The following YME1L1 variants were observed in gnomAD, a reference collection of about 807,000 sequenced individuals.
YME1L1 encodes the protein YME1 like 1 ATPase, also known as ATP-dependent zinc metalloprotease YME1L1.
A neutral mutation model predicts 90.4 loss-of-function variants in YME1L1; 39 were observed. That is an observed-to-expected ratio of 0.43 (90% confidence interval 0.33 to 0.56). The LOEUF (loss-of-function observed/expected upper bound fraction) is 0.56, where lower values mean the gene tolerates loss of function less well. YME1L1 is among the 20% of genes least tolerant of loss of function. YME1L1 has a pLI of 0.03. For missense variants in YME1L1, 617 were observed against 868.4 expected, an observed-to-expected ratio of 0.71 and a Z score of 3.64; for synonymous variants, 284 against 287.3, an observed-to-expected ratio of 0.99 and a Z score of 0.12.
chr10:27,129,762 A>C (rs2056958995), intron 8 of YME1L1, among the ~76,000 whole-genome samples: 1 of 112,712 alleles, frequency 8.9e-6, no homozygotes, highest in Non-Finnish European at 1.9e-5. Context: ...TTGACTTAAT[A>C]TAAATTCATG....
intron 3 of YME1L1, among the ~76,000 whole-genome samples, chr10:27,143,072 A>T (rs11015569): frequency 1 from 151,502 of 152,178 alleles, 75,417 homozygotes; most frequent in Middle Eastern, 1. Flanking sequence ...AAATTCAAAT[A>T]AACAGTGATA....
chr10:27,111,773 T>C lies in YME1L1; in HGVS notation c.*204A>G, dbSNP rs2056760911. On this transcript the variant is annotated 3_prime_UTR_variant, in exon 19 of 19. Coordinates refer to ENST00000376016, the MANE Select transcript of YME1L1 (RefSeq NM_014263.4). ...TAGTTCTTTATTTTTTCAAAATATA[T>C]TTGCCATGGGATGCTAATTTGCAAT... is the stretch of plus-strand genomic sequence containing the variant. 1 of 680,048 alleles carries C rather than the reference T, an allele frequency of 1.5e-6. No individual in the cohort carries two copies. The highest frequency in any genetic ancestry group is 1.8e-5 in the African/African-American group (1 of 56,074). 42.1% of individuals were successfully genotyped at this position (680,048 alleles called of 1,614,324 possible).
At position 27,148,954 on chromosome 10, in the gene YME1L1, T is replaced by C. The variant is rs931017104; in HGVS notation, c.120A>G (p.Gln40=). ...CAGGAACTACATCTCGATGCTGGTTTTGAGAAACTGACACTCCACTGAGAG... is the reference window on the plus strand; with the variant it reads ...CAGGAACTACATCTCGATGCTGGTTCTGAGAAACTGACACTCCACTGAGAG... ...SVSLSGVSVS[Q]NQHRDVVPEH... is the part of the protein sequence containing the mutation. Residue 40 remains glutamine, a synonymous_variant, in exon 2 of 19, where the codon CAA becomes CAG. Transcript: ENST00000376016. 2.5e-6 allele frequency: 4 copies of C among 1,614,012 alleles called. No individual in the cohort carries two copies. The African/African-American group carries it at 5.3e-5, about 22-fold the overall frequency.
intron 4 of YME1L1, 27 bp from the exon 5 acceptor site, chr10:27,136,412 C>A: frequency 1.3e-6 from 2 of 1,561,850 alleles, no homozygotes; most frequent in Non-Finnish European, 8.8e-7. Flanking sequence ...CATTCACTGT[C>A]ACTATAAATT....
chr10:27,153,486 G>A (rs2057258191), intron 1 of YME1L1, among the ~76,000 whole-genome samples: 1 of 152,176 alleles, frequency 6.6e-6, no homozygotes, highest in Non-Finnish European at 1.5e-5. Context: ...ATCAAAAAAA[G>A]AGACTGGAAT....
chr10:27,136,832 T>C (rs2057033237), intron 4 of YME1L1, among the ~76,000 whole-genome samples: 1 of 152,002 alleles, frequency 6.6e-6, no homozygotes, highest in Admixed American at 6.6e-5. Context: ...TTCAAGCAAC[T>C]ATCCTGCCTC....
chr10:27,142,345 T>C, intron 4 of YME1L1, 42 bp downstream of exon 4: 1 of 1,172,448 alleles, frequency 8.5e-7, no homozygotes, highest in South Asian at 1.9e-5. Context: ...CTATAGTAAA[T>C]AAATATTTTT....
chr10:27,114,603 C>T lies in YME1L1; in HGVS notation c.1925G>A (p.Gly642Glu), dbSNP rs141300632. 1 of 1,608,912 alleles carries T rather than the reference C, an allele frequency of 6.2e-7. No homozygotes were observed. The change falls in exon 18 of 19, where the codon GGA (glycine) becomes GAA (glutamate). Residue 642 changes from glycine (G) to glutamate (E), a missense_variant. Gly to Glu is a moderately conservative substitution (Grantham distance 98). Coordinates refer to ENST00000376016, the MANE Select transcript of YME1L1 (RefSeq NM_014263.4). ...VTKFGMSEKL[G>E]VMTYSDTGKL... ...CCCTGTATCACTGTAGGTCATAACT[C>T]CAAGCTAAAACCAAAAGGAAGAAAG...
chr10:27,151,808 G>A (rs1192111753), intron 1 of YME1L1, among the ~76,000 whole-genome samples: 1 of 151,926 alleles, frequency 6.6e-6, no homozygotes, highest in Non-Finnish European at 1.5e-5. Context: ...GTGAACCTGG[G>A]AGGCGGAGCT....
At chr10:27,152,611 G>A (rs114576343) in intron 1 of YME1L1, among the ~76,000 whole-genome samples, 62 of 152,192 alleles carry the variant, frequency 4.1e-4, no homozygotes, top group African/African-American at 1.4e-3. Context: ...TATTCAATAG[G>A]CCATGTCAGA....
At chr10:27,144,482 T>C (rs1427829558) in intron 3 of YME1L1, among the ~76,000 whole-genome samples, 1 of 152,238 alleles carries the variant, frequency 6.6e-6, no homozygotes, top group Non-Finnish European at 1.5e-5. Context: ...TGGATTTTTA[T>C]GGCCTGTTTA....
Position 27,154,175 on chromosome 10 carries a change from T to C in YME1L1, c.33+3A>G. ...AAAAAAATGGGCTGAATGCCTGGCTTACCTGGGGTTGCACCGTGCTCGACA... is the reference window on the plus strand; with the variant it reads ...AAAAAAATGGGCTGAATGCCTGGCTCACCTGGGGTTGCACCGTGCTCGACA... On this transcript the variant is annotated splice_donor_region_variant and intron_variant, in intron 1 of 18. Coordinates refer to ENST00000376016, the MANE Select transcript of YME1L1 (RefSeq NM_014263.4). The C allele has an allele frequency of 1.3e-6, 2 of 1,590,092 alleles. No individual in the cohort carries two copies. The highest frequency in any genetic ancestry group is 2.7e-5 in the African/African-American group (2 of 74,628).
chr10:27,148,492 T>C (rs1341042259), intron 2 of YME1L1, among the ~76,000 whole-genome samples: 2 of 152,170 alleles, frequency 1.3e-5, no homozygotes, highest in Non-Finnish European at 2.9e-5. Context: ...ATACGTGGAC[T>C]TTCTCCGGTC....
intron 9 of YME1L1, among the ~76,000 whole-genome samples, chr10:27,126,338 A>G (rs2135860620): frequency 6.6e-6 from 1 of 152,152 alleles, no homozygotes; most frequent in South Asian, 2.1e-4. Context: ...GCTACTTGGG[A>G]GGGCCGCCTG....
chr10:27,139,496 C>T (rs113778181), intron 4 of YME1L1, among the ~76,000 whole-genome samples: 2 of 151,936 alleles, frequency 1.3e-5, no homozygotes, highest in Non-Finnish European at 2.9e-5. Context: ...GTTTTACTAA[C>T]AGCAATCTCA....
chr10:27,125,641 A>G (rs78538138), intron 9 of YME1L1, among the ~76,000 whole-genome samples: 1 of 134,190 alleles, frequency 7.5e-6, no homozygotes, highest in Non-Finnish European at 1.6e-5. Context: ...TAAATGTCCT[A>G]TTTTTTTTTT....
rs2056887385 is a variant in YME1L1, at chr10:27,123,548, A to G, written c.1101T>C (p.Phe367=). The G allele has an allele frequency of 1.2e-6, 2 of 1,613,686 alleles. No individual in the cohort carries two copies. Among genetic ancestry groups the G allele is most frequent in the Non-Finnish European group, 1.7e-6 (2 of 1,179,754 alleles). The change falls in exon 10 of 19, where the codon TTT becomes TTC. Residue 367 remains phenylalanine, a splice_region_variant and synonymous_variant. Coordinates refer to ENST00000376016, the MANE Select transcript of YME1L1 (RefSeq NM_014263.4). ...CATCAAAGATACACCAAAACGTACTAAAAAGATTTCTGATACGGCTGGCTC... is the reference window on the plus strand; with the variant it reads ...CATCAAAGATACACCAAAACGTACTGAAAAGATTTCTGATACGGCTGGCTC... The part of the protein sequence containing the change: ...GVGASRIRNL[F]REAKANAPCV...
intron 2 of YME1L1, 33 bp downstream of exon 2, chr10:27,148,873 A>C: frequency 6.2e-7 from 1 of 1,611,398 alleles, no homozygotes; most frequent in Non-Finnish European, 8.5e-7. Context: ...TATATCAAAA[A>C]GGCTTTCTCA....
intron 18 of YME1L1, among the ~76,000 whole-genome samples, 173 bp downstream of exon 18, chr10:27,114,348 A>G (rs777606832): frequency 2.6e-4 from 40 of 152,252 alleles, no homozygotes; most frequent in Non-Finnish European, 5.1e-4. Context: ...AAATGCTGCA[A>G]CTATTATCTT....
Sources: gnomAD v4.1 joint callset for allele counts (sites outside exome capture counted in the v4.1 genomes callset) on GRCh38, gnomAD v4.1.1 for gene constraint, MANE v1.5 for transcripts, NCBI Gene and HGNC (gene_info 2026-07-23, HGNC 2026-07-21) for gene names.